PTPRQ: variants seen among roughly 807,000 people sequenced by gnomAD.
PTPRQ encodes the protein protein tyrosine phosphatase receptor type Q.
A neutral mutation model predicts 246.0 loss-of-function variants in PTPRQ; 199 were observed. The observed-to-expected ratio is 0.81, with a 90% CI of 0.72 to 0.91. The LOEUF is 0.91. PTPRQ is among the 40% of genes least tolerant of loss of function. The pLI is 0.00. For missense variants in PTPRQ, 2,624 were observed against 2,528.4 expected, an observed-to-expected ratio of 1.04 and a Z score of -0.81; for synonymous variants, 869 against 853.2, an observed-to-expected ratio of 1.02 and a Z score of -0.32.
intron 17 of PTPRQ, among the ~76,000 whole-genome samples, chr12:80,530,543 T>G (rs1443605813): frequency 2.0e-5 from 3 of 152,172 alleles, no homozygotes; most frequent in Non-Finnish European, 4.4e-5. Context: ...AGACTAATAA[T>G]GTTTTTCATT....
At chr12:80,470,776 G>T (rs1893600554) in intron 7 of PTPRQ, among the ~76,000 whole-genome samples, 1 of 152,140 alleles carries the variant, frequency 6.6e-6, no homozygotes, top group Non-Finnish European at 1.5e-5. Flanking sequence ...ATGGATTGTT[G>T]ATTTCAGTGG....
chr12:80,676,511 G>A (rs773570175), intron 43 of PTPRQ, among the ~76,000 whole-genome samples: 9 of 152,054 alleles, frequency 5.9e-5, no homozygotes, highest in Admixed American at 3.3e-4. Context: ...GCGTGGTGGC[G>A]CGTGCCTGTA....
In PTPRQ at chr12:80,478,499, C is replaced by T. The variant is rs1325919395; in HGVS notation, c.1187-5934C>T. Among the ~76,000 whole-genome samples, 3 of 152,160 alleles carry T rather than the reference C, an allele frequency of 2.0e-5. No individual in the cohort carries two copies. The East Asian group carries it at 5.8e-4, about 29-fold the overall frequency. On this transcript the variant is annotated intron_variant, in intron 8 of 44. Transcript: ENST00000644991. ...TCTCCTCCTCCAAAGGAATGCAGTTCCTCACCAGCAATGGAACAAAGCTGG... is the reference window on the plus strand; with the variant it reads ...TCTCCTCCTCCAAAGGAATGCAGTTTCTCACCAGCAATGGAACAAAGCTGG...
chr12:80,444,661 T>G, intron 1 of PTPRQ, 80 bp from the exon 2 acceptor site: 1 of 1,031,746 alleles, frequency 9.7e-7, no homozygotes, highest in East Asian at 2.6e-5. Context: ...AGTTAATTTT[T>G]GTTATAGTGA....
intron 25 of PTPRQ, among the ~76,000 whole-genome samples, chr12:80,565,545 T>G (rs1241059764): frequency 6.6e-6 from 1 of 152,206 alleles, no homozygotes. Flanking sequence ...TAAGCATGTG[T>G]GTGCATGCAA....
chr12:80,498,287 G>A (rs1236490821), intron 14 of PTPRQ, among the ~76,000 whole-genome samples: 1 of 152,016 alleles, frequency 6.6e-6, no homozygotes, highest in East Asian at 1.9e-4. Context: ...CCTGTTGATA[G>A]GTTTCACAGA....
At chr12:80,476,767 G>T (rs1041046600) in intron 8 of PTPRQ, among the ~76,000 whole-genome samples, 3 of 152,102 alleles carry the variant, frequency 2.0e-5, no homozygotes, top group Non-Finnish European at 4.4e-5. Flanking sequence ...AGAGTTTAGG[G>T]AAATTAACTG....
chr12:80,624,471 T>C (rs1899121056), intron 33 of PTPRQ, among the ~76,000 whole-genome samples: 1 of 152,146 alleles, frequency 6.6e-6, no homozygotes, highest in East Asian at 1.9e-4. Context: ...CCACATGGAG[T>C]TCTGCTATTT....
chr12:80,668,952 A>G, intron 39 of PTPRQ, 55 bp from the exon 40 acceptor site: 6 of 1,482,034 alleles, frequency 4.0e-6, no homozygotes, highest in Non-Finnish European at 5.4e-6. Context: ...ATCGAAAACT[A>G]AAACACTGTA....
At chr12:80,659,767 A>C (rs1900566400) in intron 39 of PTPRQ, among the ~76,000 whole-genome samples, 1 of 152,084 alleles carries the variant, frequency 6.6e-6, no homozygotes. Flanking sequence ...ATGTTGTAAT[A>C]TAATAAATCT....
Position 80,483,439 on chromosome 12 carries a change from G to A in PTPRQ, c.1187-994G>A, listed in dbSNP as rs943594221. Among the ~76,000 whole-genome samples the A allele has an allele frequency of 9.3e-4, 139 of 148,946 alleles. 1 individual carries two copies. Among genetic ancestry groups the A allele is most frequent in the African/African-American group, 3.4e-3 (136 of 40,564 alleles). On this transcript the variant is annotated intron_variant, in intron 8 of 44. Transcript: ENST00000644991. ...ATACCTAATGCTAGATGACGAGTTAGTGGGTGCAGCGCACCAGCGTGGCAC... is the reference window on the plus strand; with the variant it reads ...ATACCTAATGCTAGATGACGAGTTAATGGGTGCAGCGCACCAGCGTGGCAC...
At chr12:80,589,213 T>C (rs866793508) in intron 26 of PTPRQ, among the ~76,000 whole-genome samples, 2 of 152,160 alleles carry the variant, frequency 1.3e-5, no homozygotes, top group Non-Finnish European at 2.9e-5. Flanking sequence ...TCCTGAACTC[T>C]GTTTACATAG....
chr12:80,613,343 C>A (rs964922990), intron 28 of PTPRQ, among the ~76,000 whole-genome samples: 1 of 150,512 alleles, frequency 6.6e-6, no homozygotes, highest in East Asian at 1.9e-4. Context: ...ATTAAAATGT[C>A]ATAGAAACAC....
rs1038901882 is a variant in PTPRQ at position 80,669,072 on chromosome 12, T to C, written c.6258T>C (p.Phe2086=). ...CACTACCAGGAACAGTTGGAGATTT[T>C]TGGAGAATGGTGTGGGAAACCAGAG... ...QGPLPGTVGD[F]WRMVWETRAK... The change falls in exon 40 of 45, where the codon TTT becomes TTC. Residue 2086 remains phenylalanine, a synonymous_variant. Coordinates refer to ENST00000644991, the MANE Select transcript of PTPRQ (RefSeq NM_001145026.2). 3.4e-5 allele frequency: 52 copies of C among 1,550,580 alleles called. No homozygotes were observed. The highest frequency in any genetic ancestry group is 4.2e-5 in the Non-Finnish European group (48 of 1,146,138).
At chr12:80,448,015 C>A (rs1421109193) in intron 3 of PTPRQ, among the ~76,000 whole-genome samples, 1 of 152,002 alleles carries the variant, frequency 6.6e-6, no homozygotes, top group African/African-American at 2.4e-5. Context: ...TTCTTCCAAT[C>A]CAAGAGCATG....
rs58537253 is a variant in PTPRQ, at chr12:80,495,386, TTTG to T, written c.1882+33_1882+35del. The T allele has an allele frequency of 4.2e-5, 58 of 1,392,018 alleles. 1 individual carries two copies. The South Asian group carries it at 5.2e-4, about 12-fold the overall frequency. 86.2% of individuals were successfully genotyped at this position (1,392,018 alleles called of 1,614,324 possible). A position where few individuals can be genotyped will look rare whatever the true frequency, so the allele number is the denominator to read the frequency against. ...TCTCATAACAGGTAGAAAACAATGT[TTTG>T]TTGTTGTTGTTGTTGTTCATTTTAC... On this transcript the variant is annotated intron_variant, in intron 12 of 44. Transcript: ENST00000644991.
chr12:80,630,244 T>C (rs1592736320), intron 33 of PTPRQ, among the ~76,000 whole-genome samples: 1 of 152,046 alleles, frequency 6.6e-6, no homozygotes, highest in South Asian at 2.1e-4. Context: ...CTCCTTTCCT[T>C]CCCCCCTATG....
chr12:80,670,506 C>A lies in PTPRQ; in HGVS notation c.6602+14C>A. The A allele has an allele frequency of 6.6e-7, 1 of 1,518,576 alleles. No individual in the cohort carries two copies. The highest frequency in any genetic ancestry group is 8.8e-7 in the Non-Finnish European group (1 of 1,130,792). The allele number at this position is 1,518,576 out of a possible 1,614,324, so 94.1% of individuals were successfully genotyped here. On this transcript the variant is annotated intron_variant, in intron 42 of 44. Transcript: ENST00000644991. ...TGTTCACTGCAGGTGAGAAAGTGAT[C>A]AGAAATGGCCTTTGAACCCATTGGT...
At chr12:80,585,893 C>A in intron 25 of PTPRQ, among the ~76,000 whole-genome samples, 1 of 120,018 alleles carries the variant, frequency 8.3e-6, no homozygotes, top group Non-Finnish European at 1.7e-5. Context: ...CTCCCCCCAC[C>A]CCACAACAGT....
Sources: gnomAD v4.1 joint callset for allele counts (sites outside exome capture counted in the v4.1 genomes callset) on GRCh38, gnomAD v4.1.1 for gene constraint, MANE v1.5 for transcripts, NCBI Gene and HGNC (gene_info 2026-07-23, HGNC 2026-07-21) for gene names.